The following USP31 variants were observed in gnomAD, a reference collection of about 807,000 sequenced individuals.
USP31 encodes the protein ubiquitin specific peptidase 31.
In USP31, 44 loss-of-function variants were observed where a neutral mutation model predicts 119.4. That is an observed-to-expected ratio of 0.37 (90% CI 0.29 to 0.47). The LOEUF is 0.47. Among genes scored for constraint, USP31 ranks in the 20% least tolerant of loss-of-function variants. USP31 has a pLI of 0.99. For synonymous variants in USP31, 749 were observed against 705.6 expected (o/e 1.06, Z -0.97); for missense variants, 1,643 against 1,730.2 (o/e 0.95, Z 0.89).
intron 1 of USP31, among the ~76,000 whole-genome samples, chr16:23,130,418 C>A (rs868848469): frequency 8.6e-5 from 13 of 151,850 alleles, no homozygotes; most frequent in South Asian, 4.2e-4. Flanking sequence ...ACACCCCCCC[C>A]CCAACTAATA....
rs1446370971 is a variant in USP31 at position 23,149,173 on chromosome 16, G to C, written c.98C>G (p.Ala33Gly). Residue 33 changes from alanine (A) to glycine (G), a missense_variant, in exon 1 of 16, where the codon GCT (alanine) becomes GGT (glycine). Ala to Gly is a moderately conservative substitution (Grantham distance 60, BLOSUM62 0). Transcript: ENST00000219689. The stretch of plus-strand genomic sequence containing the variant: ...GGGGCCCCCCGCGCCGCCGCCGCCA[G>C]CGCGGCCGCTCCGAAACAGCCGCTT... ...FSKRLFRSGR[A>G]GGGGAGGPGA... is the part of the protein sequence containing the mutation. 8.6e-7 allele frequency: 1 copy of C among 1,166,312 alleles called. No individual in the cohort carries two copies. Among genetic ancestry groups the C allele is most frequent in the South Asian group, 3.9e-5 (1 of 25,348 alleles). 72.2% of individuals were successfully genotyped at this position (1,166,312 alleles called of 1,614,324 possible). A position where few individuals can be genotyped will look rare whatever the true frequency, so the allele number is the denominator to read the frequency against.
At position 23,063,212 on chromosome 16, in the gene USP31, T is replaced by C. The variant is rs1165931769; in HGVS notation, c.*4834A>G. 6.6e-6 allele frequency: 1 copy of C among 152,228 alleles called. No homozygotes were observed. Among genetic ancestry groups the C allele is most frequent in the Non-Finnish European group, 1.5e-5 (1 of 68,042 alleles). The allele number at this position is 152,228 out of a possible 1,614,324, so 9.4% of individuals were successfully genotyped here. ...ATTCAAAAAAGTCTCTCAAATTTGC[T>C]GTGCACCCCTTCTCCCAAAAATTGG... On this transcript the variant is annotated 3_prime_UTR_variant, in exon 16 of 16. Transcript: ENST00000219689.
At chr16:23,072,702 GC>G (rs1461266986) in intron 14 of USP31, among the ~76,000 whole-genome samples, 5 of 152,056 alleles carry the variant, frequency 3.3e-5, no homozygotes, top group Non-Finnish European at 5.9e-5. Flanking sequence ...ATGTCAATCT[GC>G]CCTGTCTGTT....
chr16:23,109,338 G>A (rs1366460659), intron 1 of USP31, among the ~76,000 whole-genome samples: 1 of 152,110 alleles, frequency 6.6e-6, no homozygotes, highest in Non-Finnish European at 1.5e-5. Context: ...ATGTCAAAGG[G>A]ACACAGGAAC....
chr16:23,085,898 T>C (rs577207860), intron 9 of USP31, among the ~76,000 whole-genome samples: 5 of 152,274 alleles, frequency 3.3e-5, no homozygotes, highest in Admixed American at 2.6e-4. Context: ...ACAGTACTAA[T>C]AATAAAGAGG....
chr16:23,094,185 G>A (rs1901498579), intron 6 of USP31, among the ~76,000 whole-genome samples: 1 of 152,170 alleles, frequency 6.6e-6, no homozygotes, highest in Non-Finnish European at 1.5e-5. Context: ...CGGCAGACAA[G>A]GAGATTCTCT....
chr16:23,071,888 A>T (rs1012526590), intron 15 of USP31, among the ~76,000 whole-genome samples, 157 bp downstream of exon 15: 1 of 152,220 alleles, frequency 6.6e-6, no homozygotes, highest in Non-Finnish European at 1.5e-5. Context: ...AATGCTTTTT[A>T]GGATCATAAC....
rs1901881628 is a variant in USP31, at chr16:23,101,872, C to CT, written c.1234+446dup. On this transcript the variant is annotated intron_variant, in intron 6 of 15. Transcript: ENST00000219689. ...CCAGGGCTTTACTTCATTTTGCTGC[C>CT]TATCAATGAAGAGTTACATGCAAAT... Among the ~76,000 whole-genome samples the CT allele has an allele frequency of 8.0e-5, 12 of 149,624 alleles. No homozygotes were observed. In the South Asian group the frequency reaches 2.5e-3, roughly 32 times the overall value.
chr16:23,073,893 G>A lies in USP31; in HGVS notation c.2177-13C>T. 6.2e-7 allele frequency: 1 copy of A among 1,613,544 alleles called. No homozygotes were observed. ...TTCTTACAGTACGCTGCCAAAGAGA[G>A]CCCGCCATCAGCACCAGGGGAGGCT... On this transcript the variant is annotated splice_polypyrimidine_tract_variant and intron_variant, in intron 13 of 15. Coordinates refer to ENST00000219689, the MANE Select transcript of USP31 (RefSeq NM_020718.4).
At chr16:23,106,670 C>T (rs900808265) in intron 2 of USP31, among the ~76,000 whole-genome samples, 183 bp from the exon 3 acceptor site, 1 of 152,178 alleles carries the variant, frequency 6.6e-6, no homozygotes, top group Non-Finnish European at 1.5e-5. Flanking sequence ...GTCACGTGGA[C>T]TCATCCCCTC....
At chr16:23,102,932 G>C (rs927191702) in intron 5 of USP31, among the ~76,000 whole-genome samples, 3 of 152,142 alleles carry the variant, frequency 2.0e-5, no homozygotes, top group African/African-American at 7.2e-5. Flanking sequence ...AAGTATACAG[G>C]ATGATATGCT....
Position 23,088,781 on chromosome 16 carries a change from T to A in USP31, c.1416-946A>T, listed in dbSNP as rs141923558. Among the ~76,000 whole-genome samples, 483 of 152,338 alleles carry A rather than the reference T, an allele frequency of 3.2e-3. 1 individual carries two copies. Among genetic ancestry groups the A allele is most frequent in the Non-Finnish European group, 4.7e-3 (317 of 68,030 alleles). On this transcript the variant is annotated intron_variant, in intron 7 of 15. Transcript: ENST00000219689. Reference sequence around the variant, plus strand: ...TTTTTCTGCCTCCACCAATAGGCTGTGAGTTATTTGATAGCAAGCACTGTG... The same window carrying A: ...TTTTTCTGCCTCCACCAATAGGCTGAGAGTTATTTGATAGCAAGCACTGTG...
Position 23,130,665 on chromosome 16 carries a change from A to G in USP31, c.633+17973T>C, listed in dbSNP as rs1194921326. Among the ~76,000 whole-genome samples the G allele has an allele frequency of 4.1e-5, 6 of 146,956 alleles. No individual in the cohort carries two copies. In the East Asian group the frequency reaches 7.9e-4, roughly 19 times the overall value. On this transcript the variant is annotated intron_variant, in intron 1 of 15. Coordinates refer to ENST00000219689, the MANE Select transcript of USP31 (RefSeq NM_020718.4). ...CCACCACCAACTCTAGACACACTAC[A>G]GTTTGTCAGCCCAGAAATTACATGA...
rs1471679778 is a variant in USP31, at chr16:23,148,909, G to A, written c.362C>T (p.Ala121Val). ...CCCCGCCACGCCGGGCACCGGCTCG[G>A]CGGCGCAAGCGGGCGGCGCGGGAGA... ...PASPAPPACA[A>V]EPVPGVAGLR... The change falls in exon 1 of 16, where the codon GCC (alanine) becomes GTC (valine). Residue 121 changes from alanine (A) to valine (V), a missense_variant. Physicochemically the swap from Ala to Val is moderately conservative, Grantham distance 64 (BLOSUM62 0). Transcript: ENST00000219689. 3.7e-6 allele frequency: 5 copies of A among 1,367,864 alleles called. No individual in the cohort carries two copies. In the South Asian group the frequency reaches 5.7e-5, roughly 16 times the overall value. 84.7% of individuals were successfully genotyped at this position (1,367,864 alleles called of 1,614,324 possible). A position where few individuals can be genotyped will look rare whatever the true frequency, so the allele number is the denominator to read the frequency against.
intron 6 of USP31, among the ~76,000 whole-genome samples, chr16:23,097,602 A>G (rs2141861814): frequency 6.6e-6 from 1 of 152,360 alleles, no homozygotes; most frequent in Middle Eastern, 3.4e-3. Context: ...CAAATCCAGC[A>G]GCACATCAAA....
In USP31 at chr16:23,126,870, CATGAATACACACCCATAT is replaced by C. The variant is rs563109281; in HGVS notation, c.634-18705_634-18688del. On this transcript the variant is annotated intron_variant, in intron 1 of 15. Transcript: ENST00000219689. ...TACCATTTATCTAAATAAGAGAGAA[CATGAATACACACCCATAT>C]ATGAATACACACATATATTAATATA... Among the ~76,000 whole-genome samples, 1,156 of 152,160 alleles carry C rather than the reference CATGAATACACACCCATAT, an allele frequency of 7.6e-3. 19 individuals carry two copies. The highest frequency in any genetic ancestry group is 0.025 in the African/African-American group (1,047 of 41,504).
In USP31 at chr16:23,069,512, G is replaced by T. The variant is rs1900259027; in HGVS notation, c.2593C>A (p.Pro865Thr). 1 of 1,614,174 alleles carries T rather than the reference G, an allele frequency of 6.2e-7. No homozygotes were observed. Among genetic ancestry groups the T allele is most frequent in the Non-Finnish European group, 8.5e-7 (1 of 1,180,024 alleles). ...PLAVNENCMR[P>T]SWSLSAKLQM... ...AGCTTAGCAGACAGGGACCATGAAG[G>T]TCTCATGCAATTTTCATTGACGGCC... The change falls in exon 16 of 16, where the codon CCT (proline) becomes ACT (threonine). Residue 865 changes from proline (P) to threonine (T), a missense_variant. Physicochemically the swap from Pro to Thr is conservative, Grantham distance 38. This residue lies in a region of USP31 where 699 missense variants were observed against 650.9 expected (regional missense o/e 1.07). Coordinates refer to ENST00000219689, the MANE Select transcript of USP31 (RefSeq NM_020718.4).
chr16:23,068,340 A>G lies in USP31; in HGVS notation c.3765T>C (p.Gly1255=). Residue 1255 remains glycine (G), a synonymous_variant, in exon 16 of 16, where the codon GGT becomes GGC. Coordinates refer to ENST00000219689, the MANE Select transcript of USP31 (RefSeq NM_020718.4). ...TACAGACAGACTTAACAGAGCTCCC[A>G]CCAGCCTTTTTAGAGAGCAAGGCTG... ...GKTALLSKKA[G]GSSVKSVCKN... 1 of 1,614,176 alleles carries G rather than the reference A, an allele frequency of 6.2e-7. No individual in the cohort carries two copies. Among genetic ancestry groups the G allele is most frequent in the Non-Finnish European group, 8.5e-7 (1 of 1,180,024 alleles).
rs1348796021 is a variant in USP31, at chr16:23,082,829, CTCTT to C, written c.1831-276_1831-273del. The stretch of plus-strand genomic sequence containing the variant: ...GTTAAATATGTTACTTTCTTTCTCT[CTCTT>C]TTTTTTTTTTTTTTTGAAACAGAGT... On this transcript the variant is annotated intron_variant, in intron 11 of 15. Transcript: ENST00000219689. Among the ~76,000 whole-genome samples, 36 of 116,404 alleles carry C rather than the reference CTCTT, an allele frequency of 3.1e-4. 1 individual carries two copies. The highest frequency in any genetic ancestry group is 1.4e-3 in the East Asian group (6 of 4,342). The allele number at this position is 116,404 out of a possible 152,430, so 76.4% of individuals were successfully genotyped here. A position where few individuals can be genotyped will look rare whatever the true frequency, so the allele number is the denominator to read the frequency against.
Sources: gnomAD v4.1 joint callset for allele counts (sites outside exome capture counted in the v4.1 genomes callset) on GRCh38, gnomAD v4.1.1 for gene constraint, gnomAD v4.1.1 regional missense constraint, MANE v1.5 for transcripts, NCBI Gene and HGNC (gene_info 2026-07-23, HGNC 2026-07-21) for gene names.